The following PRKG1 variants were observed in gnomAD, a reference collection of about 807,000 sequenced individuals.
The protein encoded by PRKG1 is cGMP-dependent protein kinase 1.
In PRKG1, 35 loss-of-function variants were observed where a neutral mutation model predicts 88.1. That is an observed-to-expected ratio of 0.40 (90% CI 0.30 to 0.53). PRKG1 has a LOEUF of 0.53. Among genes scored for constraint, PRKG1 ranks in the 20% least tolerant of loss-of-function variants. The pLI, the probability that PRKG1 is intolerant of heterozygous loss-of-function variation, is 0.59. For missense variants in PRKG1, 540 were observed against 839.8 expected (o/e 0.64, Z 4.41); for synonymous variants, 303 against 292.5 (o/e 1.04, Z -0.37).
rs564304199 is a variant in PRKG1, at chr10:51,338,679, T to C, written c.479-129044T>C. 2.6e-5 allele frequency among the ~76,000 whole-genome samples: 4 copies of C among 152,320 alleles called. No individual in the cohort carries two copies. The East Asian group carries it at 7.7e-4, about 29-fold the overall frequency. ...GGATATTGGTTCTTTTATTCTAAAG[T>C]AGTTATCATTAGTCTTAATTGAACT... is the stretch of plus-strand genomic sequence containing the variant. On this transcript the variant is annotated intron_variant, in intron 2 of 17. Transcript: ENST00000373980.
chr10:51,716,898 A>G (rs371620298), intron 3 of PRKG1, among the ~76,000 whole-genome samples: 2 of 152,104 alleles, frequency 1.3e-5, no homozygotes, highest in African/African-American at 4.8e-5. Context: ...GAGTTTCACT[A>G]TGTTGGCCAG....
chr10:51,767,126 A>C (rs906101112), intron 3 of PRKG1, among the ~76,000 whole-genome samples: 10 of 152,202 alleles, frequency 6.6e-5, no homozygotes, highest in Admixed American at 2.0e-4. Flanking sequence ...CAATGTAATC[A>C]AAATCCTTCA....
chr10:51,575,656 T>A (rs10740301), intron 3 of PRKG1, among the ~76,000 whole-genome samples: 40,131 of 151,746 alleles, frequency 0.26, 7,340 homozygotes, highest in East Asian at 0.88. Flanking sequence ...AATCAATAAG[T>A]TTATATACAT....
chr10:51,236,774 G>T (rs1488149467), intron 2 of PRKG1, among the ~76,000 whole-genome samples: 1 of 152,096 alleles, frequency 6.6e-6, no homozygotes, highest in African/African-American at 2.4e-5. Context: ...AAAGTGCTGG[G>T]ATTACAGGTA....
intron 2 of PRKG1, among the ~76,000 whole-genome samples, chr10:51,322,314 ATCAG>A (rs1264704385): frequency 7.2e-5 from 11 of 152,292 alleles, no homozygotes; most frequent in Admixed American, 2.6e-4. Flanking sequence ...AGCAAATGCA[ATCAG>A]TCAGTCTTTC....
intron 1 of PRKG1, among the ~76,000 whole-genome samples, chr10:51,090,647 T>A (rs2131863987): frequency 6.6e-6 from 1 of 152,270 alleles, no homozygotes; most frequent in East Asian, 1.9e-4. Context: ...ACAGGAAGTG[T>A]TAGTATTTAG....
At chr10:52,038,802 G>A (rs1453948297) in intron 5 of PRKG1, among the ~76,000 whole-genome samples, 4 of 152,114 alleles carry the variant, frequency 2.6e-5, no homozygotes, top group Non-Finnish European at 5.9e-5. Flanking sequence ...CGTGACCAGC[G>A]CCGGAGTTTT....
At chr10:51,934,763 G>C (rs1216049170) in intron 5 of PRKG1, among the ~76,000 whole-genome samples, 1 of 152,136 alleles carries the variant, frequency 6.6e-6, no homozygotes, top group Non-Finnish European at 1.5e-5. Flanking sequence ...ATCTCTGATT[G>C]CTTCAGTATT....
intron 7 of PRKG1, among the ~76,000 whole-genome samples, chr10:52,109,762 CA>C (rs888962196): frequency 3.3e-5 from 5 of 150,346 alleles, no homozygotes; most frequent in African/African-American, 4.9e-5. Flanking sequence ...GACTCCATCT[CA>C]AAAAAAAATC....
chr10:51,064,379 A>G (rs1843725311), intron 1 of PRKG1, among the ~76,000 whole-genome samples: 1 of 152,114 alleles, frequency 6.6e-6, no homozygotes, highest in South Asian at 2.1e-4. Context: ...GAAGATCTAG[A>G]AGTTTCACAC....
intron 2 of PRKG1, among the ~76,000 whole-genome samples, chr10:51,212,320 A>G (rs1408878831): frequency 1.3e-5 from 2 of 152,160 alleles, no homozygotes; most frequent in East Asian, 3.8e-4. Context: ...TTAATTCAAG[A>G]TGGATTAAAG....
At chr10:51,921,631 A>C (rs1431224022) in intron 5 of PRKG1, among the ~76,000 whole-genome samples, 1 of 152,084 alleles carries the variant, frequency 6.6e-6, no homozygotes, top group African/African-American at 2.4e-5. Flanking sequence ...AATGGGTGTT[A>C]AATTTTGTGA....
intron 3 of PRKG1, among the ~76,000 whole-genome samples, chr10:51,736,092 A>G (rs1837271460): frequency 6.6e-6 from 1 of 151,188 alleles, no homozygotes; most frequent in Non-Finnish European, 1.5e-5. Flanking sequence ...GGGTTTTGCC[A>G]TGTTGGCCAG....
intron 1 of PRKG1, among the ~76,000 whole-genome samples, chr10:51,007,466 G>A (rs953582319): frequency 3.3e-5 from 5 of 152,128 alleles, no homozygotes; most frequent in African/African-American, 1.2e-4. Flanking sequence ...ATTGTAAGAT[G>A]AACTCATTAC....
chr10:52,043,546 C>T (rs1346995204), intron 5 of PRKG1, among the ~76,000 whole-genome samples: 1 of 151,562 alleles, frequency 6.6e-6, no homozygotes, highest in Non-Finnish European at 1.5e-5. Flanking sequence ...TATTGGTTAC[C>T]AGGAGCTGGA....
chr10:51,816,536 C>CGTGTGTGTGT (rs769022267), intron 4 of PRKG1, among the ~76,000 whole-genome samples: 2,416 of 98,436 alleles, frequency 0.025, 49 homozygotes, highest in African/African-American at 0.054. Flanking sequence ...ATAATTTTGG[C>CGTGTGTGTGT]ATGTGTGTGT....
chr10:51,251,209 T>C (rs182016025), intron 2 of PRKG1, among the ~76,000 whole-genome samples: 65 of 151,924 alleles, frequency 4.3e-4, no homozygotes, highest in African/African-American at 1.5e-3. Flanking sequence ...CATGTTTTCC[T>C]TTAAGGCAGA....
intron 9 of PRKG1, among the ~76,000 whole-genome samples, chr10:52,221,323 T>C (rs1840239916): frequency 6.6e-6 from 1 of 151,802 alleles, no homozygotes; most frequent in African/African-American, 2.4e-5. Flanking sequence ...TAATTTGTTA[T>C]GCAGCCTTAG....
chr10:51,513,880 C>G (rs1266783785), intron 3 of PRKG1, among the ~76,000 whole-genome samples: 2 of 117,218 alleles, frequency 1.7e-5, no homozygotes, highest in Non-Finnish European at 3.4e-5. Flanking sequence ...ACTAAATGCC[C>G]ACAAGAGAAA....
Sources: gnomAD v4.1 joint callset for allele counts (sites outside exome capture counted in the v4.1 genomes callset) on GRCh38, gnomAD v4.1.1 for gene constraint, MANE v1.5 for transcripts, NCBI Gene and HGNC (gene_info 2026-07-23, HGNC 2026-07-21) for gene names.